CTNND2: variants seen among roughly 807,000 people sequenced by gnomAD.
CTNND2 encodes the protein catenin delta 2.
A neutral mutation model predicts 144.4 loss-of-function variants in CTNND2; 22 were observed. That is an observed-to-expected ratio of 0.15 (90% CI 0.11 to 0.22). CTNND2 has a LOEUF of 0.22. Among genes scored for constraint, CTNND2 ranks in the 10% least tolerant of loss-of-function variants. The pLI is 1.00. For synonymous variants in CTNND2, 751 were observed against 695.6 expected, an observed-to-expected ratio of 1.08 and a Z score of -1.25; for missense variants, 1,353 against 1,618.8, an observed-to-expected ratio of 0.84 and a Z score of 2.82.
intron 1 of CTNND2, among the ~76,000 whole-genome samples, chr5:11,770,464 G>GAAGGAA (rs201288821): frequency 0.018 from 2,642 of 142,932 alleles, 98 homozygotes; most frequent in African/African-American, 0.061. Flanking sequence ...AGGAAGGAAG[G>GAAGGAA]GGTAGGGGTA....
chr5:11,839,250 A>G (rs1181731682), intron 1 of CTNND2, among the ~76,000 whole-genome samples: 3 of 152,014 alleles, frequency 2.0e-5, no homozygotes, highest in African/African-American at 7.3e-5. Context: ...ACTGAAGCAT[A>G]TTCCATCGAA....
chr5:11,064,425 C>A (rs768228835), intron 16 of CTNND2, among the ~76,000 whole-genome samples: 9 of 152,086 alleles, frequency 5.9e-5, no homozygotes, highest in Non-Finnish European at 8.8e-5. Context: ...CATAACCAAT[C>A]AGAGGCTGAT....
chr5:11,733,141 G>A (rs1787486440), intron 1 of CTNND2, among the ~76,000 whole-genome samples: 1 of 152,130 alleles, frequency 6.6e-6, no homozygotes, highest in African/African-American at 2.4e-5. Context: ...TGAGTTCTCT[G>A]AGCTGCTCTG....
intron 10 of CTNND2, among the ~76,000 whole-genome samples, chr5:11,231,288 T>C (rs1461244868): frequency 6.6e-6 from 1 of 152,138 alleles, no homozygotes; most frequent in South Asian, 2.1e-4. Flanking sequence ...GTAAACAGAC[T>C]TGAAAACATG....
At chr5:11,826,184 G>GA (rs1403731263) in intron 1 of CTNND2, among the ~76,000 whole-genome samples, 2 of 151,756 alleles carry the variant, frequency 1.3e-5, no homozygotes, top group African/African-American at 2.4e-5. Context: ...ACATATATAG[G>GA]AAAAAATCAT....
intron 1 of CTNND2, among the ~76,000 whole-genome samples, chr5:11,896,712 A>T (rs1737423004): frequency 6.6e-6 from 1 of 152,114 alleles, no homozygotes; most frequent in African/African-American, 2.4e-5. Flanking sequence ...CCTGACATAA[A>T]CACTGTGTTC....
intron 3 of CTNND2, among the ~76,000 whole-genome samples, chr5:11,500,513 A>G (rs1357410158): frequency 6.6e-6 from 1 of 152,208 alleles, no homozygotes; most frequent in Non-Finnish European, 1.5e-5. Flanking sequence ...TTTTGTGCTT[A>G]TCTGATATCC....
intron 2 of CTNND2, among the ~76,000 whole-genome samples, chr5:11,701,039 T>C (rs186922638): frequency 2.6e-5 from 4 of 152,306 alleles, no homozygotes; most frequent in East Asian, 3.9e-4. Context: ...CTCACTTTGG[T>C]TAAATATTCT....
chr5:11,003,373 A>G (rs1296004530), intron 18 of CTNND2, among the ~76,000 whole-genome samples: 2 of 152,242 alleles, frequency 1.3e-5, no homozygotes, highest in Non-Finnish European at 2.9e-5. Context: ...TGCCTTAGGT[A>G]ACCAGCTAAG....
Position 11,732,819 on chromosome 5 carries a change from G to A in CTNND2, c.38-547C>T, listed in dbSNP as rs1787466766. ...ACCTTCCCCTGCCCTCCTTTTACCT[G>A]CTCTAAGGCAGGACTCTAATCCTCC... On this transcript the variant is annotated intron_variant, in intron 1 of 21. Transcript: ENST00000304623. Among the ~76,000 whole-genome samples the A allele has an allele frequency of 2.0e-5, 3 of 151,958 alleles. No individual in the cohort carries two copies. In the South Asian group the frequency reaches 6.2e-4, roughly 31 times the overall value.
intron 8 of CTNND2, among the ~76,000 whole-genome samples, chr5:11,358,433 C>T (rs376746548): frequency 6.6e-6 from 1 of 152,228 alleles, no homozygotes; most frequent in African/African-American, 2.4e-5. Context: ...TGGGTAACAA[C>T]AGGCATTTAA....
chr5:11,161,122 C>CT lies in CTNND2; in HGVS notation c.1976-1364dup, dbSNP rs1486308460. On this transcript the variant is annotated intron_variant, in intron 11 of 21. Transcript: ENST00000304623. Reference sequence around the variant, plus strand: ...TAACCTGAAGGCAAATCTAGCTTCTCTTCTTTTATGAATAAAGTTTTATTG... The same window carrying CT: ...TAACCTGAAGGCAAATCTAGCTTCTCTTTCTTTTATGAATAAAGTTTTATTG... 2.0e-5 allele frequency among the ~76,000 whole-genome samples: 3 copies of CT among 152,060 alleles called. No individual in the cohort carries two copies. In the East Asian group the frequency reaches 5.8e-4, roughly 29 times the overall value.
At chr5:11,737,781 C>T (rs923949243) in intron 1 of CTNND2, among the ~76,000 whole-genome samples, 4 of 152,016 alleles carry the variant, frequency 2.6e-5, no homozygotes, top group Non-Finnish European at 2.9e-5. Flanking sequence ...TGTGCTTATA[C>T]GAAGAGCAAG....
chr5:11,846,778 G>C (rs114199543), intron 1 of CTNND2, among the ~76,000 whole-genome samples: 4,146 of 151,580 alleles, frequency 0.027, 212 homozygotes, highest in African/African-American at 0.094. Flanking sequence ...TTTTAAAACG[G>C]GCAAAAGACC....
In CTNND2 at chr5:11,847,155, T is replaced by C. The variant is rs1040784123; in HGVS notation, c.37+56662A>G. ...ATATATATATATATATATATATATA[T>C]ATATATATATATATATATATGCACA... On this transcript the variant is annotated intron_variant, in intron 1 of 21. Transcript: ENST00000304623. 8.3e-5 allele frequency among the ~76,000 whole-genome samples: 11 copies of C among 132,558 alleles called. 1 individual carries two copies. Among genetic ancestry groups the C allele is most frequent in the Non-Finnish European group, 1.4e-4 (9 of 63,756 alleles). The allele number at this position is 132,558 out of a possible 152,430, so 87.0% of individuals were successfully genotyped here.
chr5:11,545,563 G>T (rs1211744697), intron 3 of CTNND2, among the ~76,000 whole-genome samples: 2 of 146,914 alleles, frequency 1.4e-5, no homozygotes. Flanking sequence ...TCGGGAGACT[G>T]AAGGCAGGAG....
chr5:11,477,086 C>A (rs895202190), intron 3 of CTNND2, among the ~76,000 whole-genome samples: 1 of 152,330 alleles, frequency 6.6e-6, no homozygotes, highest in East Asian at 1.9e-4. Context: ...AAGAATGAGA[C>A]TGTGTTGATT....
intron 8 of CTNND2, among the ~76,000 whole-genome samples, chr5:11,356,148 T>C (rs1005986733): frequency 6.6e-6 from 1 of 151,964 alleles, no homozygotes; most frequent in Non-Finnish European, 1.5e-5. Context: ...TTTACTACAA[T>C]CCCTACCAAA....
intron 3 of CTNND2, among the ~76,000 whole-genome samples, chr5:11,526,999 G>T (rs1561516102): frequency 6.6e-6 from 1 of 152,156 alleles, no homozygotes; most frequent in Non-Finnish European, 1.5e-5. Context: ...GACAAATACT[G>T]TATGAATCTG....
Sources: allele counts gnomAD v4.1 joint callset (sites outside exome capture counted in the v4.1 genomes callset), GRCh38; gene constraint gnomAD v4.1.1; transcripts MANE v1.5; gene names NCBI Gene and HGNC (gene_info 2026-07-23, HGNC 2026-07-21).